The following TMEM163 variants were observed in gnomAD, a reference collection of about 807,000 sequenced individuals.
TMEM163 encodes transmembrane protein 163.
Under a neutral mutation model 29.3 loss-of-function variants are expected in TMEM163, and 17 were observed. The ratio of observed to expected loss-of-function variants is 0.58; its 90% CI spans 0.40 to 0.87. TMEM163 has a LOEUF of 0.87. Ranked by LOEUF, TMEM163 falls within the 40% of genes least tolerant of loss-of-function variation. The pLI is 0.00. For synonymous variants in TMEM163, 157 were observed against 160.6 expected (o/e 0.98, Z 0.17); for missense variants, 303 against 381.5 (o/e 0.79, Z 1.71).
intron 4 of TMEM163, among the ~76,000 whole-genome samples, chr2:134,504,432 C>T (rs980022071): frequency 1.3e-5 from 2 of 151,400 alleles, no homozygotes; most frequent in Non-Finnish European, 2.9e-5. Flanking sequence ...ACATCACCCC[C>T]CAAGGGACAC....
chr2:134,696,444 T>C (rs1684583613), intron 2 of TMEM163, among the ~76,000 whole-genome samples: 1 of 152,212 alleles, frequency 6.6e-6, no homozygotes, highest in Non-Finnish European at 1.5e-5. Context: ...AAAAAGCCTA[T>C]TGGAATTCTT....
At position 134,515,304 on chromosome 2, in the gene TMEM163, G is replaced by A. The variant is rs182271691; in HGVS notation, c.459-12307C>T. ...TCTGAACTCTCACACGGGGTCTGAA[G>A]CATCCAGCCACTCTTCTGCTCTGTC... On this transcript the variant is annotated intron_variant, in intron 4 of 7. Coordinates refer to ENST00000281924, the MANE Select transcript of TMEM163 (RefSeq NM_030923.5). Among the ~76,000 whole-genome samples, 32 of 152,270 alleles carry A rather than the reference G, an allele frequency of 2.1e-4. No homozygotes were observed. In the South Asian group the frequency reaches 6.0e-3, roughly 29 times the overall value.
intron 2 of TMEM163, among the ~76,000 whole-genome samples, chr2:134,675,935 C>A (rs999852788): frequency 2.6e-5 from 4 of 152,184 alleles, no homozygotes; most frequent in African/African-American, 9.6e-5. Flanking sequence ...CCAGATGCTT[C>A]CTGGTGGAGG....
chr2:134,493,816 GC>G (rs1274157826), intron 5 of TMEM163, among the ~76,000 whole-genome samples: 1 of 152,150 alleles, frequency 6.6e-6, no homozygotes, highest in Non-Finnish European at 1.5e-5. Flanking sequence ...AAGGGTTGAT[GC>G]CCCTTTTTGT....
At chr2:134,542,867 T>C (rs1680705851) in intron 4 of TMEM163, among the ~76,000 whole-genome samples, 1 of 152,200 alleles carries the variant, frequency 6.6e-6, no homozygotes, top group African/African-American at 2.4e-5. Context: ...TTTGGCATTC[T>C]TTGGCCTGTA....
intron 5 of TMEM163, among the ~76,000 whole-genome samples, chr2:134,489,504 G>A (rs967178008): frequency 1.3e-5 from 2 of 151,466 alleles, no homozygotes; most frequent in African/African-American, 4.9e-5. Context: ...TTGAACTCGG[G>A]AGGCAGAGGT....
intron 2 of TMEM163, among the ~76,000 whole-genome samples, chr2:134,683,544 C>T (rs1370627441): frequency 1.3e-5 from 2 of 151,978 alleles, no homozygotes; most frequent in African/African-American, 2.4e-5. Flanking sequence ...AATTACAAAA[C>T]ATGAATAACT....
intron 4 of TMEM163, among the ~76,000 whole-genome samples, chr2:134,507,323 C>T (rs556834991): frequency 9.3e-5 from 14 of 151,082 alleles, no homozygotes; most frequent in East Asian, 1.9e-4. Context: ...GCAACAAGAG[C>T]GAAACTCTAC....
At chr2:134,649,312 G>C (rs1232663329) in intron 2 of TMEM163, among the ~76,000 whole-genome samples, 1 of 152,172 alleles carries the variant, frequency 6.6e-6, no homozygotes, top group Admixed American at 6.5e-5. Context: ...AACACAACTT[G>C]AGGAATCATC....
intron 2 of TMEM163, among the ~76,000 whole-genome samples, chr2:134,678,203 G>A (rs1409187749): frequency 6.6e-6 from 1 of 152,186 alleles, no homozygotes; most frequent in Admixed American, 6.5e-5. Flanking sequence ...ACACCCACGG[G>A]TAAAGGGAGC....
chr2:134,565,234 TCAAAAA>T (rs897752335), intron 2 of TMEM163, among the ~76,000 whole-genome samples: 6 of 151,760 alleles, frequency 4.0e-5, no homozygotes, highest in East Asian at 1.9e-4. Context: ...CAAGACTGTC[TCAAAAA>T]CAAAAACAAA....
chr2:134,622,387 G>A (rs2104825798), intron 2 of TMEM163, among the ~76,000 whole-genome samples: 1 of 152,298 alleles, frequency 6.6e-6, no homozygotes, highest in Non-Finnish European at 1.5e-5. Context: ...TTCTGTACAG[G>A]AAGAATGCTA....
intron 2 of TMEM163, among the ~76,000 whole-genome samples, chr2:134,611,621 A>G (rs1208699640): frequency 6.6e-6 from 1 of 152,216 alleles, no homozygotes; most frequent in Non-Finnish European, 1.5e-5. Context: ...GAGCAAAAGA[A>G]CAAGGACACA....
intron 2 of TMEM163, among the ~76,000 whole-genome samples, chr2:134,595,980 T>G (rs1031504442): frequency 5.9e-5 from 9 of 152,228 alleles, no homozygotes; most frequent in Non-Finnish European, 1.0e-4. Context: ...TCTTATAAAT[T>G]TGTTTGAGTT....
chr2:134,665,767 C>T (rs1433314737), intron 2 of TMEM163, among the ~76,000 whole-genome samples: 1 of 152,168 alleles, frequency 6.6e-6, no homozygotes, highest in Non-Finnish European at 1.5e-5. Flanking sequence ...AGTTCCTCAG[C>T]CTCTCCGGAC....
chr2:134,667,298 C>A (rs1206238776), intron 2 of TMEM163, among the ~76,000 whole-genome samples: 1 of 152,214 alleles, frequency 6.6e-6, no homozygotes, highest in African/African-American at 2.4e-5. Flanking sequence ...GCCTTCCTTG[C>A]AGCCAGAAAT....
intron 5 of TMEM163, among the ~76,000 whole-genome samples, chr2:134,477,156 C>T (rs915590293): frequency 5.3e-5 from 8 of 152,144 alleles, no homozygotes; most frequent in East Asian, 1.9e-4. Flanking sequence ...ATTTGTTGTC[C>T]GGCACGTGTC....
intron 4 of TMEM163, among the ~76,000 whole-genome samples, chr2:134,523,423 A>G (rs964498855): frequency 6.6e-6 from 1 of 152,112 alleles, no homozygotes; most frequent in Non-Finnish European, 1.5e-5. Flanking sequence ...TGCTTTTAAA[A>G]CTCAGAGATG....
intron 2 of TMEM163, among the ~76,000 whole-genome samples, chr2:134,686,983 G>A (rs1164361229): frequency 6.6e-6 from 1 of 152,160 alleles, no homozygotes; most frequent in Non-Finnish European, 1.5e-5. Flanking sequence ...TAGGGAAGCT[G>A]ATTTTTTCAC....
Sources: allele counts gnomAD v4.1 joint callset (sites outside exome capture counted in the v4.1 genomes callset), GRCh38; gene constraint gnomAD v4.1.1; transcripts MANE v1.5; gene names NCBI Gene and HGNC (gene_info 2026-07-23, HGNC 2026-07-21).